The following ELP4 variants were observed in gnomAD, a reference collection of about 807,000 sequenced individuals.
The protein encoded by ELP4 is elongator complex protein 4.
In ELP4, 51 loss-of-function variants were observed where a neutral mutation model predicts 48.9. The observed-to-expected ratio is 1.04, with a 90% confidence interval of 0.83 to 1.32. The LOEUF is 1.32. Among genes scored for constraint, ELP4 ranks in the 40% most tolerant of loss-of-function variants. The probability of loss-of-function intolerance (pLI) is 0.00; values close to 1 mark genes in which losing one functional copy is unlikely to be tolerated. For missense variants in ELP4, 519 were observed against 514.6 expected (o/e 1.01, Z -0.08); for synonymous variants, 210 against 189.2 (o/e 1.11, Z -0.90).
intron 9 of ELP4, among the ~76,000 whole-genome samples, chr11:31,745,495 A>G (rs1947566161): frequency 1.3e-5 from 2 of 152,332 alleles, no homozygotes; most frequent in African/African-American, 2.4e-5. Flanking sequence ...AAACTATACC[A>G]CAAGGCTACA....
chr11:31,789,544 C>T lies in ELP4; in HGVS notation c.*6020C>T, dbSNP rs1245031287. On this transcript the variant is annotated 3_prime_UTR_variant, in exon 10 of 10. Coordinates refer to ENST00000640961, the MANE Select transcript of ELP4 (RefSeq NM_019040.5). ...TATATCTTGATAAAACTCTTAAATT[C>T]GTGGCAAAGCTTGTTGATCATGGTT... The T allele has an allele frequency of 3.2e-5, 19 of 598,094 alleles. No homozygotes were observed. The highest frequency in any genetic ancestry group is 1.9e-4 in the East Asian group (7 of 36,252). The allele number at this position is 598,094 out of a possible 1,614,324, so 37.0% of individuals were successfully genotyped here.
At position 31,768,970 on chromosome 11, in the gene ELP4, A is replaced by T. The variant is rs540812412; in HGVS notation, c.1144-14423A>T. Among the ~76,000 whole-genome samples the T allele has an allele frequency of 1.2e-3, 187 of 152,216 alleles. 3 individuals carry two copies. The highest frequency in any genetic ancestry group is 3.4e-3 in the Middle Eastern group (1 of 290). The stretch of plus-strand genomic sequence containing the variant: ...GAATGCCCAGAAATACTTCGCAGAC[A>T]CTCTAGGCTGCCTAGCAATGGGGAT... On this transcript the variant is annotated intron_variant, in intron 9 of 9. Transcript: ENST00000640961.
intron 9 of ELP4, among the ~76,000 whole-genome samples, chr11:31,717,618 G>T (rs1406668215): frequency 6.6e-6 from 1 of 152,126 alleles, no homozygotes; most frequent in South Asian, 2.1e-4. Flanking sequence ...GCTGGGTGTG[G>T]TGGCACACGC....
chr11:31,530,739 T>C (rs931684880), intron 2 of ELP4, among the ~76,000 whole-genome samples: 2 of 152,206 alleles, frequency 1.3e-5, no homozygotes, highest in African/African-American at 4.8e-5. Context: ...AGCTATCTTA[T>C]GTCTCTCGGG....
In ELP4 at chr11:31,587,647, GTTAATA is replaced by G. The variant is rs545440460; in HGVS notation, c.382-7117_382-7112del. 2.1e-3 allele frequency among the ~76,000 whole-genome samples: 315 copies of G among 151,962 alleles called. 4 individuals carry two copies. The highest frequency in any genetic ancestry group is 7.2e-3 in the African/African-American group (298 of 41,478). ...TTATTTTTGTTTTTTTCTATAAAGT[GTTAATA>G]TTAATTATTGATATTTTATTATGTA... On this transcript the variant is annotated intron_variant, in intron 3 of 9. Transcript: ENST00000640961.
chr11:31,706,067 TA>T (rs1946624557), intron 9 of ELP4, among the ~76,000 whole-genome samples: 1 of 152,070 alleles, frequency 6.6e-6, no homozygotes. Context: ...GTCATGAATA[TA>T]ATATTTTTAA....
intron 3 of ELP4, among the ~76,000 whole-genome samples, chr11:31,549,458 A>G (rs967788808): frequency 1.3e-5 from 2 of 152,126 alleles, no homozygotes; most frequent in Non-Finnish European, 2.9e-5. Context: ...CACCAGTTAG[A>G]ATGGCAATCA....
At position 31,714,145 on chromosome 11, in the gene ELP4, A is replaced by G. The variant is rs181698511; in HGVS notation, c.1143+63924A>G. On this transcript the variant is annotated intron_variant, in intron 9 of 9. Coordinates refer to ENST00000640961, the MANE Select transcript of ELP4 (RefSeq NM_019040.5). ...TGTAAAACTGCTTAAGTCTGGTAAG[A>G]TGTAGGGATTTCAGAGCCAGGCAAT... Among the ~76,000 whole-genome samples, 637 of 152,274 alleles carry G rather than the reference A, an allele frequency of 4.2e-3. 4 individuals are homozygous for G. The highest frequency in any genetic ancestry group is 0.015 in the African/African-American group (610 of 41,564).
At chr11:31,590,400 C>T (rs1364595892) in intron 3 of ELP4, among the ~76,000 whole-genome samples, 1 of 152,120 alleles carries the variant, frequency 6.6e-6, no homozygotes, top group Non-Finnish European at 1.5e-5. Flanking sequence ...CTACCTCACA[C>T]AGTATATAAA....
At chr11:31,604,887 A>T (rs1269643076) in intron 5 of ELP4, among the ~76,000 whole-genome samples, 1 of 151,962 alleles carries the variant, frequency 6.6e-6, no homozygotes, top group Non-Finnish European at 1.5e-5. Flanking sequence ...CCATTAATGT[A>T]TTACTGCTAT....
chr11:31,609,383 A>G (rs750521008), intron 5 of ELP4, among the ~76,000 whole-genome samples: 6 of 152,120 alleles, frequency 3.9e-5, no homozygotes, highest in Non-Finnish European at 7.4e-5. Flanking sequence ...AGTTTGCACC[A>G]TATGTTAGGA....
intron 1 of ELP4, among the ~76,000 whole-genome samples, chr11:31,515,651 G>A (rs776251525): frequency 1.3e-5 from 2 of 150,504 alleles, no homozygotes; most frequent in South Asian, 2.1e-4. Context: ...GCAACACAGC[G>A]ACACCCTGTC....
intron 3 of ELP4, among the ~76,000 whole-genome samples, chr11:31,550,786 A>G (rs1206406079): frequency 6.6e-6 from 1 of 152,166 alleles, no homozygotes; most frequent in Non-Finnish European, 1.5e-5. Context: ...ATCTTTGGAT[A>G]CATTTCTCAA....
Position 31,668,674 on chromosome 11 carries a change from C to CTGTGTGTGTGTGTG in ELP4, c.1143+18453_1143+18454insTGTGTGTGTGTGTG, listed in dbSNP as rs1565103524. Among the ~76,000 whole-genome samples the CTGTGTGTGTGTGTG allele has an allele frequency of 1.1e-4, 4 of 37,388 alleles. No individual in the cohort carries two copies. The East Asian group carries it at 6.5e-3, about 61-fold the overall frequency. The allele number at this position is 37,388 out of a possible 152,430, so 24.5% of individuals were successfully genotyped here. A position where few individuals can be genotyped will look rare whatever the true frequency, so the allele number is the denominator to read the frequency against. ...TATCGGAATGAAATTTCCTTTGGTA[C>CTGTGTGTGTGTGTG]CGTGTGTGTGTGTGTGTGTGTGTGT... On this transcript the variant is annotated intron_variant, in intron 9 of 9. Coordinates refer to ENST00000640961, the MANE Select transcript of ELP4 (RefSeq NM_019040.5).
At chr11:31,566,067 C>T (rs1484078674) in intron 3 of ELP4, among the ~76,000 whole-genome samples, 1 of 151,968 alleles carries the variant, frequency 6.6e-6, no homozygotes, top group African/African-American at 2.4e-5. Flanking sequence ...CACGGTGGCT[C>T]ATGCTTACAA....
intron 4 of ELP4, chr11:31,598,908 A>C (rs1179075582): frequency 6.6e-6 from 1 of 152,118 alleles, no homozygotes; most frequent in Admixed American, 6.6e-5. Context: ...TCATTTTCTT[A>C]GGTCTCTACT....
At chr11:31,692,151 G>A (rs917432984) in intron 9 of ELP4, among the ~76,000 whole-genome samples, 1 of 152,094 alleles carries the variant, frequency 6.6e-6, no homozygotes, top group Non-Finnish European at 1.5e-5. Context: ...GGTTGAATTG[G>A]AAAATTTCTA....
At position 31,643,227 on chromosome 11, in the gene ELP4, A is replaced by G. The variant is rs559052817; in HGVS notation, c.928-4514A>G. 2.0e-5 allele frequency among the ~76,000 whole-genome samples: 3 copies of G among 151,822 alleles called. No individual in the cohort carries two copies. The South Asian group carries it at 6.2e-4, about 31-fold the overall frequency. On this transcript the variant is annotated intron_variant, in intron 7 of 9. Transcript: ENST00000640961. Reference sequence around the variant, plus strand: ...ATTAACTTAATAGTGCTTTCGGGCTATTATAGCCCCAAATCTGTTATTTGT... The same window carrying G: ...ATTAACTTAATAGTGCTTTCGGGCTGTTATAGCCCCAAATCTGTTATTTGT...
At chr11:31,545,415 G>A (rs1193135350) in intron 3 of ELP4, among the ~76,000 whole-genome samples, 3 of 152,120 alleles carry the variant, frequency 2.0e-5, no homozygotes, top group African/African-American at 2.4e-5. Flanking sequence ...AAAATGAAGC[G>A]AGAAGGGAAG....
Sources: gnomAD v4.1 joint callset for allele counts (sites outside exome capture counted in the v4.1 genomes callset) on GRCh38, gnomAD v4.1.1 for gene constraint, MANE v1.5 for transcripts, NCBI Gene and HGNC (gene_info 2026-07-23, HGNC 2026-07-21) for gene names.